The following ARHGAP39 variants were observed in gnomAD, a reference collection of about 807,000 sequenced individuals.
ARHGAP39 encodes the protein Rho GTPase activating protein 39.
In ARHGAP39, 44 loss-of-function variants were observed where a neutral mutation model predicts 106.9. The observed-to-expected ratio is 0.41, with a 90% CI of 0.32 to 0.53. ARHGAP39 has a LOEUF of 0.53. ARHGAP39 is among the 20% of genes least tolerant of loss of function. The pLI, the probability that ARHGAP39 is intolerant of heterozygous loss-of-function variation, is 0.21. For synonymous variants in ARHGAP39, 768 were observed against 693.2 expected, an observed-to-expected ratio of 1.11 and a Z score of -1.69; for missense variants, 1,496 against 1,577.3, an observed-to-expected ratio of 0.95 and a Z score of 0.87.
At chr8:144,675,028 G>A (rs1420013546) in intron 1 of ARHGAP39, among the ~76,000 whole-genome samples, 2 of 152,028 alleles carry the variant, frequency 1.3e-5, no homozygotes, top group African/African-American at 2.4e-5. Context: ...GCCACAGCTA[G>A]GCAGCTGCAG....
chr8:144,670,904 A>G lies in ARHGAP39; in HGVS notation c.-82+14782T>C, dbSNP rs989695995. ...ACCACTGACCGGCACTCAGTTATCC[A>G]TGGAATGGATGACCAGAAAGGCACG... On this transcript the variant is annotated intron_variant, in intron 1 of 11. Transcript: ENST00000377307. This position sits in a 1 kb window ranked among gnomAD's most constrained non-coding sequence, Gnocchi z 4.4. 1.2e-4 allele frequency among the ~76,000 whole-genome samples: 19 copies of G among 152,108 alleles called. No homozygotes were observed. The highest frequency in any genetic ancestry group is 3.9e-4 in the Admixed American group (6 of 15,262).
In ARHGAP39 at chr8:144,585,322, G is replaced by C. The variant is rs1450803564; in HGVS notation, c.81-4045C>G. Reference sequence around the variant, plus strand: ...CAAATCACCACAGAGAACCTGAGGGGCCAGCCAGGGGTTCCCAGCACCAGC... The same window carrying C: ...CAAATCACCACAGAGAACCTGAGGGCCCAGCCAGGGGTTCCCAGCACCAGC... On this transcript the variant is annotated intron_variant, in intron 2 of 11. Transcript: ENST00000377307. The surrounding 1 kb of genome is among the most constrained non-coding windows in gnomAD (Gnocchi z 4.6). Among the ~76,000 whole-genome samples, 1 of 151,732 alleles carries C rather than the reference G, an allele frequency of 6.6e-6. No homozygotes were observed. Among genetic ancestry groups the C allele is most frequent in the East Asian group, 1.9e-4 (1 of 5,150 alleles).
At chr8:144,665,997 AG>A (rs1405263320) in intron 1 of ARHGAP39, among the ~76,000 whole-genome samples, 5 of 152,200 alleles carry the variant, frequency 3.3e-5, no homozygotes, top group African/African-American at 1.2e-4. Context: ...GCCAGGAGGG[AG>A]GCTATACCCT....
At chr8:144,633,098 C>T (rs763287266) in intron 1 of ARHGAP39, among the ~76,000 whole-genome samples, 14 of 151,334 alleles carry the variant, frequency 9.3e-5, no homozygotes, top group Non-Finnish European at 1.9e-4. Flanking sequence ...AGCTGAGATC[C>T]GCCACTGCAC....
intron 8 of ARHGAP39, 76 bp downstream of exon 8, chr8:144,534,053 C>T (rs1025819749): frequency 3.9e-6 from 6 of 1,527,862 alleles, no homozygotes; most frequent in South Asian, 2.3e-5. Flanking sequence ...AAACTGCAGG[C>T]GGGGCTCCTG....
chr8:144,662,037 C>T (rs1821836548), intron 1 of ARHGAP39, among the ~76,000 whole-genome samples: 1 of 150,938 alleles, frequency 6.6e-6, no homozygotes, highest in African/African-American at 2.4e-5. Context: ...TGGACCGTTC[C>T]CCACATCCCA....
intron 3 of ARHGAP39, among the ~76,000 whole-genome samples, chr8:144,576,080 C>T (rs911322484): frequency 6.6e-6 from 1 of 152,056 alleles, no homozygotes; most frequent in African/African-American, 2.4e-5. Context: ...CGCCTGTAAT[C>T]CAGCACTTTG....
chr8:144,617,124 T>G (rs1484493410), intron 1 of ARHGAP39, among the ~76,000 whole-genome samples: 1 of 151,926 alleles, frequency 6.6e-6, no homozygotes, highest in Non-Finnish European at 1.5e-5. Context: ...GGAGAATCAC[T>G]TGAACTAGGG....
intron 2 of ARHGAP39, among the ~76,000 whole-genome samples, chr8:144,592,697 C>T (rs1019102796): frequency 1.2e-4 from 18 of 151,522 alleles, no homozygotes; most frequent in South Asian, 2.1e-4. Flanking sequence ...CCCAGACCCT[C>T]GGGAAACCTG....
intron 1 of ARHGAP39, among the ~76,000 whole-genome samples, chr8:144,630,789 C>T (rs570663673): frequency 3.3e-5 from 5 of 152,380 alleles, no homozygotes; most frequent in South Asian, 2.1e-4. Context: ...AGACGCCAAC[C>T]GGCCAGGGCC....
chr8:144,609,504 C>A lies in ARHGAP39; in HGVS notation c.-81-3809G>T, dbSNP rs949020181. ...GCAACCTCCACCTCCCAGGTTCAAG[C>A]GATTCTCCTGCCTCAGCCTCCCAAG... is the stretch of plus-strand genomic sequence containing the variant. On this transcript the variant is annotated intron_variant, in intron 1 of 11. Transcript: ENST00000377307. 2.7e-5 allele frequency among the ~76,000 whole-genome samples: 4 copies of A among 149,132 alleles called. No individual in the cohort carries two copies. The Admixed American group carries it at 2.7e-4, about 10-fold the overall frequency.
At chr8:144,616,056 G>T (rs1399454548) in intron 1 of ARHGAP39, among the ~76,000 whole-genome samples, 2 of 152,236 alleles carry the variant, frequency 1.3e-5, no homozygotes, top group East Asian at 3.8e-4. Flanking sequence ...GGAAAGGACG[G>T]TGCTGGTTGG....
At chr8:144,537,218 C>T (rs907243795) in intron 7 of ARHGAP39, among the ~76,000 whole-genome samples, 3 of 151,996 alleles carry the variant, frequency 2.0e-5, no homozygotes, top group African/African-American at 4.8e-5. Flanking sequence ...GGGAAGCCCT[C>T]CCCCTGCTTC....
At chr8:144,571,468 G>T (rs1006226686) in intron 3 of ARHGAP39, among the ~76,000 whole-genome samples, 3 of 152,054 alleles carry the variant, frequency 2.0e-5, no homozygotes, top group African/African-American at 7.2e-5. Context: ...AATAAACTAG[G>T]TATTGATGGG....
chr8:144,649,495 C>T (rs1352418093), intron 1 of ARHGAP39, among the ~76,000 whole-genome samples: 7 of 150,770 alleles, frequency 4.6e-5, no homozygotes, highest in South Asian at 4.2e-4. Context: ...CGTGGCCAGG[C>T]GCTGTGGCTC....
intron 3 of ARHGAP39, among the ~76,000 whole-genome samples, chr8:144,576,225 C>T (rs1256659134): frequency 6.8e-6 from 1 of 147,070 alleles, no homozygotes; most frequent in Non-Finnish European, 1.5e-5. Flanking sequence ...CCCAGCTACT[C>T]GGGAGGCTGA....
In ARHGAP39 at chr8:144,580,963, C is replaced by G. The variant is rs376803658; in HGVS notation, c.395G>C (p.Arg132Pro). 8.7e-6 allele frequency: 14 copies of G among 1,602,672 alleles called. No individual in the cohort carries two copies. Among genetic ancestry groups the G allele is most frequent in the Non-Finnish European group, 1.2e-5 (14 of 1,176,318 alleles). Residue 132 changes from arginine (R) to proline (P), a missense_variant, in exon 3 of 12, where the codon CGT (arginine) becomes CCT (proline). Around this residue, in one of 4 missense-constraint regions of ARHGAP39, gnomAD observed 905 missense variants for 816.4 expected, o/e 1.11. Transcript: ENST00000377307. ...SSPGRGSSVS[R>P]EGSTSSSLEP... ...CAGGGAGGAGCTGGTGCTGCCCTCA[C>G]GGCTGACGCTGCTGCCGCGCCCGGG...
intron 1 of ARHGAP39, among the ~76,000 whole-genome samples, chr8:144,627,956 C>T (rs948578953): frequency 6.6e-6 from 1 of 152,196 alleles, no homozygotes; most frequent in Non-Finnish European, 1.5e-5. Context: ...GGGGGGCCCG[C>T]CGCAACTCAG....
chr8:144,530,870 C>T lies in ARHGAP39; in HGVS notation c.2982G>A (p.Ala994=), dbSNP rs769830851. The change falls in exon 11 of 12, where the codon GCG becomes GCA. Residue 994 remains alanine, a splice_region_variant and synonymous_variant. Coordinates refer to ENST00000377307, the MANE Select transcript of ARHGAP39 (RefSeq NM_025251.3). ...PTGLEDPHVP[A]SLLKLWYREL... ...CCCGGTACCACAGCTTCAGCAGGGA[C>T]GCTGGGGACACAGCACGGGGCTCAG... 29 of 1,607,780 alleles carry T rather than the reference C, an allele frequency of 1.8e-5. No homozygotes were observed. The highest frequency in any genetic ancestry group is 2.0e-4 in the Middle Eastern group (1 of 4,948).
Sources: allele counts gnomAD v4.1 joint callset (sites outside exome capture counted in the v4.1 genomes callset), GRCh38; gene constraint gnomAD v4.1.1; regional missense constraint gnomAD v4.1.1; non-coding constraint Gnocchi (gnomAD v3.1); transcripts MANE v1.5; gene names NCBI Gene and HGNC (gene_info 2026-07-23, HGNC 2026-07-21).